Variants in VRK2 observed in about 807,000 individuals in gnomAD.
VRK2 encodes VRK serine/threonine kinase 2, also known as serine/threonine-protein kinase VRK2.
Under a neutral mutation model 57.6 loss-of-function variants are expected in VRK2, and 60 were observed. That is an observed-to-expected ratio of 1.04 (90% CI 0.85 to 1.29). The LOEUF (loss-of-function observed/expected upper bound fraction) is 1.29, where lower values mean the gene tolerates loss of function less well. VRK2 is among the 50% of genes most tolerant of loss of function. The pLI is 0.00. For missense variants in VRK2, 705 were observed against 588.1 expected (o/e 1.20, Z -2.06); for synonymous variants, 231 against 199.2 (o/e 1.16, Z -1.35).
At chr2:58,095,351 A>C (rs2104292730) in intron 7 of VRK2, among the ~76,000 whole-genome samples, 1 of 151,900 alleles carries the variant, frequency 6.6e-6, no homozygotes, top group Non-Finnish European at 1.5e-5. Context: ...GTTAAGTTTT[A>C]AAATTGATTT....
chr2:58,065,519 C>T (rs576693604), intron 2 of VRK2, among the ~76,000 whole-genome samples: 1 of 152,018 alleles, frequency 6.6e-6, no homozygotes, highest in Non-Finnish European at 1.5e-5. Context: ...TGTATTCTAC[C>T]ATTGAAGGAC....
intron 2 of VRK2, among the ~76,000 whole-genome samples, chr2:58,051,957 A>G (rs527468887): frequency 5.5e-4 from 84 of 152,344 alleles, no homozygotes; most frequent in African/African-American, 1.8e-3. Context: ...GGGATGGGAA[A>G]AATTGCTGTC....
intron 3 of VRK2, among the ~76,000 whole-genome samples, chr2:58,035,622 G>T (rs1449977903): frequency 6.6e-6 from 1 of 151,896 alleles, no homozygotes; most frequent in Non-Finnish European, 1.5e-5. Flanking sequence ...CCAATATATT[G>T]ACATTTGAAT....
At chr2:58,143,873 A>G (rs1361396426) in intron 11 of VRK2, among the ~76,000 whole-genome samples, 1 of 151,794 alleles carries the variant, frequency 6.6e-6, no homozygotes, top group East Asian at 1.9e-4. Flanking sequence ...CGTAACCACA[A>G]TATTATTTGT....
intron 7 of VRK2, among the ~76,000 whole-genome samples, chr2:58,103,990 ATG>A (rs1297856926): frequency 6.6e-6 from 1 of 151,828 alleles, no homozygotes; most frequent in Non-Finnish European, 1.5e-5. Flanking sequence ...ATGATTATAC[ATG>A]CAGAAAAAAA....
chr2:58,010,668 G>A (rs1445248607), intron 1 of VRK2, among the ~76,000 whole-genome samples: 1 of 152,082 alleles, frequency 6.6e-6, no homozygotes, highest in African/African-American at 2.4e-5. Context: ...GCTTGTGATT[G>A]TTTCTTCTTC....
intron 7 of VRK2, among the ~76,000 whole-genome samples, chr2:58,100,759 TCTATAAACTGTTTTAA>T (rs1395773814): frequency 2.0e-5 from 3 of 151,786 alleles, no homozygotes; most frequent in Non-Finnish European, 4.4e-5. Context: ...GTGGATCAGT[TCTATAAACTGTTTTAA>T]GGTTCTCTCA....
chr2:58,067,284 C>T (rs1668737672), intron 2 of VRK2, among the ~76,000 whole-genome samples: 1 of 152,110 alleles, frequency 6.6e-6, no homozygotes, highest in African/African-American at 2.4e-5. Flanking sequence ...TTGCAGACGG[C>T]CTGTTGTGAG....
Position 58,089,716 on chromosome 2 carries a change from C to T in VRK2, c.536C>T (p.Pro179Leu). Residue 179 changes from proline to leucine, a missense_variant, in exon 7 of 13, where the codon CCA (proline) becomes CTA (leucine). Coordinates refer to ENST00000340157, the MANE Select transcript of VRK2 (RefSeq NM_006296.7). Reference protein sequence around the residue: ...AANLLLGYKNPDQVYLADYGL... With the variant: ...AANLLLGYKNLDQVYLADYGL... ...AATCTACTTTTGGGTTACAAAAATCCAGACCAGGTAAATACATACTTTTGC... is the reference window on the plus strand; with the variant it reads ...AATCTACTTTTGGGTTACAAAAATCTAGACCAGGTAAATACATACTTTTGC... 1 of 1,604,558 alleles carries T rather than the reference C, an allele frequency of 6.2e-7. No homozygotes were observed. The highest frequency in any genetic ancestry group is 1.7e-5 in the Admixed American group (1 of 58,696).
At chr2:57,953,342 T>C (rs1671485665) in intron 1 of VRK2, among the ~76,000 whole-genome samples, 1 of 152,222 alleles carries the variant, frequency 6.6e-6, no homozygotes, top group Non-Finnish European at 1.5e-5. Context: ...ATCTTTATGA[T>C]GGATTTGTCA....
intron 2 of VRK2, among the ~76,000 whole-genome samples, chr2:58,029,728 G>C (rs1674055109): frequency 1.3e-5 from 2 of 152,050 alleles, no homozygotes; most frequent in Non-Finnish European, 2.9e-5. Flanking sequence ...GAATGTCTTT[G>C]CCAGCTCTGG....
At chr2:57,912,378 G>T (rs906028157) in intron 1 of VRK2, among the ~76,000 whole-genome samples, 3 of 152,162 alleles carry the variant, frequency 2.0e-5, no homozygotes, top group African/African-American at 7.2e-5. Flanking sequence ...TCAAAGTTTG[G>T]GTTGGAGTTC....
chr2:58,124,069 A>G (rs1677939213), intron 8 of VRK2, among the ~76,000 whole-genome samples: 1 of 152,170 alleles, frequency 6.6e-6, no homozygotes, highest in Non-Finnish European at 1.5e-5. Flanking sequence ...GGTAAATTAC[A>G]TACATAGTCC....
In VRK2 at chr2:58,159,553, G is replaced by GACTT. The variant is rs749207036; in HGVS notation, c.1389_1392dup (p.Glu465LeufsTer17). 1.4e-5 allele frequency: 22 copies of GACTT among 1,613,798 alleles called. No individual in the cohort carries two copies. The East Asian group carries it at 4.2e-4, about 31-fold the overall frequency. On this transcript the variant is annotated frameshift_variant, in exon 13 of 13. Transcript: ENST00000340157. LOFTEE classifies it low-confidence loss of function (END_TRUNC). The stretch of plus-strand genomic sequence containing the variant: ...TTCCACAGTCAGCACGGGGATCACA[G>GACTT]ACTTAGAAAGTTCAACTGGACTTTG...
intron 3 of VRK2, chr2:58,041,111 G>A: frequency 1.0e-6 from 1 of 975,148 alleles, no homozygotes; most frequent in Non-Finnish European, 1.2e-6. Context: ...TAGTCTTATA[G>A]TTAACCTTTT....
intron 11 of VRK2, among the ~76,000 whole-genome samples, chr2:58,144,410 G>A (rs1681808213): frequency 6.6e-6 from 1 of 151,804 alleles, no homozygotes; most frequent in East Asian, 1.9e-4. Context: ...ACAAAGAAAT[G>A]GTGACTAACG....
intron 2 of VRK2, among the ~76,000 whole-genome samples, chr2:58,049,981 T>C (rs1675463477): frequency 6.6e-6 from 1 of 152,152 alleles, no homozygotes; most frequent in African/African-American, 2.4e-5. Context: ...GCACAAAAAA[T>C]TGTATGAGTC....
intron 3 of VRK2, among the ~76,000 whole-genome samples, chr2:58,041,333 C>T (rs1369314450): frequency 3.9e-5 from 6 of 152,028 alleles, no homozygotes; most frequent in African/African-American, 9.7e-5. Context: ...TCTAAGCCCC[C>T]GAACTAACTG....
At chr2:58,140,325 A>C (rs1681146651) in intron 11 of VRK2, among the ~76,000 whole-genome samples, 1 of 152,072 alleles carries the variant, frequency 6.6e-6, no homozygotes, top group Admixed American at 6.6e-5. Flanking sequence ...TCATTTTTTA[A>C]AAGTTACACC....
Sources: gnomAD v4.1 joint callset for allele counts (sites outside exome capture counted in the v4.1 genomes callset) on GRCh38, gnomAD v4.1.1 for gene constraint, MANE v1.5 for transcripts, NCBI Gene and HGNC (gene_info 2026-07-23, HGNC 2026-07-21) for gene names.